Variants in RANBP17 observed in about 807,000 individuals in gnomAD.
The protein encoded by RANBP17 is RAN binding protein 17.
A neutral mutation model predicts 141.2 loss-of-function variants in RANBP17; 158 were observed. The observed-to-expected ratio is 1.12, with a 90% CI of 0.98 to 1.28. The LOEUF is 1.28. Among genes scored for constraint, RANBP17 ranks in the 50% most tolerant of loss-of-function variants. RANBP17 has a pLI of 0.00. For missense variants in RANBP17, 1,438 were observed against 1,290.7 expected (o/e 1.11, Z -1.75); for synonymous variants, 430 against 450.0 (o/e 0.96, Z 0.56).
At chr5:171,120,167 A>C (rs559719863) in intron 14 of RANBP17, among the ~76,000 whole-genome samples, 29 of 151,984 alleles carry the variant, frequency 1.9e-4, no homozygotes, top group African/African-American at 7.0e-4. Context: ...AAACAAATGG[A>C]GTCTCTCTCT....
chr5:171,222,945 G>T (rs956014683), intron 22 of RANBP17, among the ~76,000 whole-genome samples: 15 of 151,908 alleles, frequency 9.9e-5, no homozygotes, highest in African/African-American at 3.1e-4. Flanking sequence ...CTAATATTTG[G>T]GTACCCAGAA....
At chr5:171,136,639 G>GA (rs1364051478) in intron 14 of RANBP17, among the ~76,000 whole-genome samples, 1 of 152,150 alleles carries the variant, frequency 6.6e-6, no homozygotes, top group African/African-American at 2.4e-5. Flanking sequence ...ATTGTCTTAG[G>GA]AGAGTCTCTT....
chr5:171,065,095 G>A (rs1225840969), intron 14 of RANBP17, among the ~76,000 whole-genome samples: 1 of 152,080 alleles, frequency 6.6e-6, no homozygotes, highest in Non-Finnish European at 1.5e-5. Flanking sequence ...GGAATTCACT[G>A]ATTATTTCTT....
At chr5:171,050,524 C>G (rs1326421994) in intron 14 of RANBP17, among the ~76,000 whole-genome samples, 1 of 151,966 alleles carries the variant, frequency 6.6e-6, no homozygotes, top group Non-Finnish European at 1.5e-5. Flanking sequence ...AGTTCAAGAC[C>G]AGCAAAGCCC....
At chr5:170,930,897 G>T (rs1027596950) in intron 12 of RANBP17, among the ~76,000 whole-genome samples, 2 of 152,228 alleles carry the variant, frequency 1.3e-5, no homozygotes, top group Middle Eastern at 3.4e-3. Context: ...TTATAGCGGT[G>T]TGATTTATAA....
In RANBP17 at chr5:171,146,706, G is replaced by T. The variant is rs1394007501; in HGVS notation, c.1711-23424G>T. ...TACAGAGCAGGGAACTTGGAGCTAT[G>T]TGAGCTCAGTCTTTATATCCCCCTT... On this transcript the variant is annotated intron_variant, in intron 14 of 27. Coordinates refer to ENST00000523189, the MANE Select transcript of RANBP17 (RefSeq NM_022897.5). 3.9e-5 allele frequency among the ~76,000 whole-genome samples: 6 copies of T among 152,292 alleles called. No homozygotes were observed. The East Asian group carries it at 7.7e-4, about 20-fold the overall frequency.
intron 19 of RANBP17, among the ~76,000 whole-genome samples, chr5:171,204,130 G>A: frequency 6.6e-6 from 1 of 152,120 alleles, no homozygotes; most frequent in African/African-American, 2.4e-5. Flanking sequence ...AAGAACTGGT[G>A]AGAGTATGAG....
At chr5:171,027,642 A>G (rs796752662) in intron 14 of RANBP17, among the ~76,000 whole-genome samples, 5 of 152,034 alleles carry the variant, frequency 3.3e-5, no homozygotes, top group African/African-American at 1.2e-4. Context: ...TTGCATAACA[A>G]TTCATAATAA....
intron 14 of RANBP17, among the ~76,000 whole-genome samples, chr5:171,031,734 G>T (rs1473180861): frequency 2.0e-5 from 3 of 151,928 alleles, no homozygotes; most frequent in African/African-American, 7.2e-5. Flanking sequence ...TACCTCCTGA[G>T]TAGTAGCAAC....
intron 12 of RANBP17, among the ~76,000 whole-genome samples, chr5:170,940,641 G>A (rs768494951): frequency 5.3e-5 from 8 of 152,064 alleles, no homozygotes; most frequent in Non-Finnish European, 1.2e-4. Context: ...GGACAGACTT[G>A]CCATCATAAT....
intron 7 of RANBP17, 137 bp from the exon 8 acceptor site, chr5:170,914,030 G>A: frequency 1.6e-6 from 1 of 633,766 alleles, no homozygotes; most frequent in Non-Finnish European, 2.8e-6. Context: ...AAATAGCTAG[G>A]AATTAAAAAT....
chr5:171,208,193 G>A (rs928815313), intron 20 of RANBP17, among the ~76,000 whole-genome samples: 9 of 152,148 alleles, frequency 5.9e-5, no homozygotes, highest in Non-Finnish European at 1.0e-4. Context: ...TATTTATGGC[G>A]ATTATTTGAT....
chr5:170,897,341 TTTCTTC>T (rs139362295), intron 5 of RANBP17: 8 of 544,320 alleles, frequency 1.5e-5, no homozygotes, highest in East Asian at 4.5e-5. Flanking sequence ...GCTTGGCACA[TTTCTTC>T]TTCTTCTTCT....
At chr5:170,887,550 C>T (rs911899852) in intron 3 of RANBP17, among the ~76,000 whole-genome samples, 2 of 152,136 alleles carry the variant, frequency 1.3e-5, no homozygotes, top group African/African-American at 4.8e-5. Context: ...AGACTTTTCT[C>T]ATATTTAAAA....
intron 13 of RANBP17, among the ~76,000 whole-genome samples, chr5:170,963,688 T>G (rs1479017654): frequency 2.6e-5 from 4 of 152,166 alleles, no homozygotes; most frequent in African/African-American, 9.7e-5. Flanking sequence ...CTGCAGCTGA[T>G]CTGACAGGAG....
intron 4 of RANBP17, among the ~76,000 whole-genome samples, chr5:170,895,821 C>G (rs1298401564): frequency 6.6e-6 from 1 of 151,990 alleles, no homozygotes; most frequent in Non-Finnish European, 1.5e-5. Context: ...GAGCTTTTTC[C>G]CATTTAGCTC....
chr5:170,969,048 ATGT>A (rs1044281807), intron 14 of RANBP17, among the ~76,000 whole-genome samples: 8 of 151,710 alleles, frequency 5.3e-5, no homozygotes, highest in African/African-American at 1.7e-4. Flanking sequence ...TGTTTTAGTG[ATGT>A]TGTAGGATTT....
intron 14 of RANBP17, among the ~76,000 whole-genome samples, chr5:170,998,993 T>C (rs974280500): frequency 6.6e-6 from 1 of 152,106 alleles, no homozygotes; most frequent in Non-Finnish European, 1.5e-5. Context: ...TGATAAATCA[T>C]CTGCTACTGT....
intron 14 of RANBP17, among the ~76,000 whole-genome samples, chr5:171,145,092 T>C (rs1428983478): frequency 6.6e-6 from 1 of 152,220 alleles, no homozygotes; most frequent in African/African-American, 2.4e-5. Flanking sequence ...CTTTAGCATA[T>C]ACTATGAAGG....
Sources: allele counts gnomAD v4.1 joint callset (sites outside exome capture counted in the v4.1 genomes callset), GRCh38; gene constraint gnomAD v4.1.1; transcripts MANE v1.5; gene names NCBI Gene and HGNC (gene_info 2026-07-23, HGNC 2026-07-21).